Variants in FUCA2 observed in about 807,000 individuals in gnomAD.
The protein encoded by FUCA2 is plasma alpha-L-fucosidase.
A neutral mutation model predicts 52.6 loss-of-function variants in FUCA2; 41 were observed. The ratio of observed to expected loss-of-function variants is 0.78; its 90% confidence interval spans 0.61 to 1.01. FUCA2 has a LOEUF of 1.01. Ranked by LOEUF, FUCA2 falls within the 50% of genes least tolerant of loss-of-function variation. The probability of loss-of-function intolerance (pLI) is 0.00; values close to 1 mark genes in which losing one functional copy is unlikely to be tolerated. For missense variants in FUCA2, 507 were observed against 569.5 expected (o/e 0.89, Z 1.12); for synonymous variants, 211 against 217.3 (o/e 0.97, Z 0.26).
intron 2 of FUCA2, chr6:143,505,017 A>G (rs1780582906): frequency 6.6e-6 from 1 of 152,236 alleles, no homozygotes; most frequent in Non-Finnish European, 1.5e-5. Flanking sequence ...AAAACAATGT[A>G]TACCTTTATA....
In FUCA2 at chr6:143,511,447, A is replaced by T; in HGVS notation, c.188T>A (p.Val63Glu). 6.2e-7 allele frequency: 1 copy of T among 1,611,236 alleles called. No individual in the cohort carries two copies. The highest frequency in any genetic ancestry group is 8.5e-7 in the Non-Finnish European group (1 of 1,178,780). The change falls in exon 1 of 7, where the codon GTG becomes GAG. Residue 63 changes from valine to glutamate, a missense_variant. Val to Glu is a moderately radical substitution (Grantham distance 121, BLOSUM62 -2). Coordinates refer to ENST00000002165, the MANE Select transcript of FUCA2 (RefSeq NM_032020.5). This position sits in a 1 kb window ranked among gnomAD's most constrained non-coding sequence, Gnocchi z 6.3. ...AKFGIFIHWG[V>E]FSVPSFGSEW... is the part of the protein sequence containing the mutation. Reference sequence around the variant, plus strand: ...GCTACCGAAGCTGGGCACGGAAAACACTCCCCAGTGGATGAAGATGCCGAA... The same window carrying T: ...GCTACCGAAGCTGGGCACGGAAAACTCTCCCCAGTGGATGAAGATGCCGAA...
At chr6:143,505,159 T>G (rs2128422289) in intron 2 of FUCA2, 1 of 152,244 alleles carries the variant, frequency 6.6e-6, no homozygotes, top group South Asian at 2.1e-4. Flanking sequence ...CCTCAAAAAT[T>G]TCATCAGTGC....
At chr6:143,496,048 C>T (rs2128421297) in intron 6 of FUCA2, among the ~76,000 whole-genome samples, 1 of 152,182 alleles carries the variant, frequency 6.6e-6, no homozygotes, top group South Asian at 2.1e-4. Context: ...CTATTTTACT[C>T]TCAAGAGGGA....
At position 143,511,343 on chromosome 6, in the gene FUCA2, G is replaced by A. The variant is rs976623907; in HGVS notation, c.224+68C>T. 2.4e-5 allele frequency: 34 copies of A among 1,435,658 alleles called. No individual in the cohort carries two copies. The highest frequency in any genetic ancestry group is 3.2e-5 in the Non-Finnish European group (34 of 1,058,478). 88.9% of individuals were successfully genotyped at this position (1,435,658 alleles called of 1,614,324 possible). ...CACCAGGCGGCGAACCAGGCCCGCT[G>A]GGTGGTGGCTGGAGGCTGCGGGTGG... On this transcript the variant is annotated intron_variant, in intron 1 of 6. Coordinates refer to ENST00000002165, the MANE Select transcript of FUCA2 (RefSeq NM_032020.5). The surrounding 1 kb of genome is among the most constrained non-coding windows in gnomAD (Gnocchi z 6.3).
chr6:143,502,415 G>A lies in FUCA2; in HGVS notation c.903C>T (p.Ser301=). 6.2e-7 allele frequency: 1 copy of A among 1,613,974 alleles called. No homozygotes were observed. The highest frequency in any genetic ancestry group is 1.1e-5 in the South Asian group (1 of 91,078). The change falls in exon 4 of 7, where the codon TCC becomes TCT. Residue 301 remains serine, a synonymous_variant. Coordinates refer to ENST00000002165, the MANE Select transcript of FUCA2 (RefSeq NM_032020.5). The surrounding 1 kb of genome is among the most constrained non-coding windows in gnomAD (Gnocchi z 4.1). ...WENCMTIDKL[S]WGYRREAGIS... Reference sequence around the variant, plus strand: ...TTCCAGCTTCCCTCCTATAGCCCCAGGACAGTTTGTCTATTGTCATGCAGT... The same window carrying A: ...TTCCAGCTTCCCTCCTATAGCCCCAAGACAGTTTGTCTATTGTCATGCAGT...
chr6:143,507,987 T>A lies in FUCA2; in HGVS notation c.225-563A>T, dbSNP rs1259979697. The stretch of plus-strand genomic sequence containing the variant: ...TCCAGCCCCATTCTCTTTTAATTCT[T>A]CACTTTTAAATCACAACATGTAGTA... On this transcript the variant is annotated intron_variant, in intron 1 of 6. Coordinates refer to ENST00000002165, the MANE Select transcript of FUCA2 (RefSeq NM_032020.5). This position sits in a 1 kb window ranked among gnomAD's most constrained non-coding sequence, Gnocchi z 4.5. Among the ~76,000 whole-genome samples the A allele has an allele frequency of 6.6e-6, 1 of 152,218 alleles. No individual in the cohort carries two copies. Among genetic ancestry groups the A allele is most frequent in the Non-Finnish European group, 1.5e-5 (1 of 68,040 alleles).
chr6:143,507,523 G>A lies in FUCA2; in HGVS notation c.225-99C>T, dbSNP rs555982644. The A allele has an allele frequency of 2.4e-6, 2 of 830,810 alleles. No individual in the cohort carries two copies. Among genetic ancestry groups the A allele is most frequent in the Non-Finnish European group, 3.6e-6 (2 of 549,346 alleles). The allele number at this position is 830,810 out of a possible 1,614,324, so 51.5% of individuals were successfully genotyped here. A position where few individuals can be genotyped will look rare whatever the true frequency, so the allele number is the denominator to read the frequency against. ...TACCATTTACCCCTCACACAGATAG[G>A]ACCCAGATTCTCTTTCTCACTTCCC... On this transcript the variant is annotated intron_variant, in intron 1 of 6. Transcript: ENST00000002165. This position sits in a 1 kb window ranked among gnomAD's most constrained non-coding sequence, Gnocchi z 4.5.
chr6:143,505,582 G>A (rs1780594451), intron 2 of FUCA2: 1 of 152,104 alleles, frequency 6.6e-6, no homozygotes, highest in African/African-American at 2.4e-5. Context: ...CTCCCAAAGT[G>A]TTGGAATTAT....
Position 143,495,861 on chromosome 6 carries a change from CAT to C in FUCA2, c.1264-16_1264-15del. 1 of 1,612,542 alleles carries C rather than the reference CAT, an allele frequency of 6.2e-7. No homozygotes were observed. The highest frequency in any genetic ancestry group is 8.5e-7 in the Non-Finnish European group (1 of 1,178,888). ...CAGTAGTTTCACCTGAAATTAAAAA[CAT>C]ACATGCAAATGTCTCCAAATTTATC... On this transcript the variant is annotated splice_polypyrimidine_tract_variant and intron_variant, in intron 6 of 6. Transcript: ENST00000002165. The surrounding 1 kb of genome is among the most constrained non-coding windows in gnomAD (Gnocchi z 5.2).
chr6:143,497,079 C>T lies in FUCA2; in HGVS notation c.1263+310G>A. The T allele has an allele frequency of 4.6e-6, 1 of 218,614 alleles. No homozygotes were observed. Among genetic ancestry groups the T allele is most frequent in the Non-Finnish European group, 9.1e-6 (1 of 109,448 alleles). The allele number at this position is 218,614 out of a possible 1,614,324, so 13.5% of individuals were successfully genotyped here. A position where few individuals can be genotyped will look rare whatever the true frequency, so the allele number is the denominator to read the frequency against. On this transcript the variant is annotated intron_variant, in intron 6 of 6. Transcript: ENST00000002165. The surrounding 1 kb of genome is among the most constrained non-coding windows in gnomAD (Gnocchi z 5.3). ...GGCTCAAGCAATCCTCCTGCCTCAG[C>T]CTCCTGAGTAACTAGGACTACAGGT... is the stretch of plus-strand genomic sequence containing the variant.
rs761344588 is a variant in FUCA2 at position 143,507,323 on chromosome 6, G to C, written c.326C>G (p.Ala109Gly). 2 of 1,609,874 alleles carry C rather than the reference G, an allele frequency of 1.2e-6. No homozygotes were observed. Among genetic ancestry groups the C allele is most frequent in the African/African-American group, 1.3e-5 (1 of 74,680 alleles). Reference protein sequence around the residue: ...KYEDFGPLFTAKFFNANQWAD... With the variant: ...KYEDFGPLFTGKFFNANQWAD... The stretch of plus-strand genomic sequence containing the variant: ...CCACTGGTTGGCATTAAAAAATTTT[G>C]CTGTAAATAGTGGTCCAAAATCTTC... Residue 109 changes from alanine (A) to glycine (G), a missense_variant, in exon 2 of 7, where the codon GCA becomes GGA. Physicochemically the swap from Ala to Gly is moderately conservative, Grantham distance 60. Transcript: ENST00000002165. The surrounding 1 kb of genome is among the most constrained non-coding windows in gnomAD (Gnocchi z 4.5).
chr6:143,510,547 G>A lies in FUCA2; in HGVS notation c.224+864C>T, dbSNP rs1003889209. Among the ~76,000 whole-genome samples, 2 of 151,548 alleles carry A rather than the reference G, an allele frequency of 1.3e-5. No homozygotes were observed. The highest frequency in any genetic ancestry group is 2.4e-5 in the African/African-American group (1 of 41,234). ...CCAGCTACTCAGGAGGCTAAGGCGC[G>A]AGAATCGTTTGAACCCGGGCGGCGA... On this transcript the variant is annotated intron_variant, in intron 1 of 6. Transcript: ENST00000002165. This position sits in a 1 kb window ranked among gnomAD's most constrained non-coding sequence, Gnocchi z 4.4.
rs1023977361 is a variant in FUCA2 at position 143,509,823 on chromosome 6, A to G, written c.224+1588T>C. On this transcript the variant is annotated intron_variant, in intron 1 of 6. Transcript: ENST00000002165. The surrounding 1 kb of genome is among the most constrained non-coding windows in gnomAD (Gnocchi z 5.4). Reference sequence around the variant, plus strand: ...TAGCTTATCCAGTTTTATTTTTTACATCAATTGACCTACCAATAAGAAAGG... The same window carrying G: ...TAGCTTATCCAGTTTTATTTTTTACGTCAATTGACCTACCAATAAGAAAGG... Among the ~76,000 whole-genome samples, 2 of 152,346 alleles carry G rather than the reference A, an allele frequency of 1.3e-5. No homozygotes were observed. The highest frequency in any genetic ancestry group is 1.3e-4 in the Admixed American group (2 of 15,298).
At position 143,497,314 on chromosome 6, in the gene FUCA2, C is replaced by T. The variant is rs1290817389; in HGVS notation, c.1263+75G>A. ...GTATAAGTGAAACAGTTATAAGGCT[C>T]CCCTTAAAAGTTAATGTTTGCATCA... On this transcript the variant is annotated intron_variant, in intron 6 of 6. Transcript: ENST00000002165. The surrounding 1 kb of genome is among the most constrained non-coding windows in gnomAD (Gnocchi z 5.3). 1 of 930,986 alleles carries T rather than the reference C, an allele frequency of 1.1e-6. No individual in the cohort carries two copies. The highest frequency in any genetic ancestry group is 1.8e-6 in the Non-Finnish European group (1 of 564,152). 57.7% of individuals were successfully genotyped at this position (930,986 alleles called of 1,614,324 possible).
intron 2 of FUCA2, chr6:143,505,307 A>ATTTTTTT (rs35474217): frequency 8.3e-5 from 8 of 96,620 alleles, no homozygotes; most frequent in African/African-American, 1.3e-4. Context: ...CATACTTTCG[A>ATTTTTTT]TTTTTTTTTT....
In FUCA2 at chr6:143,507,444, G is replaced by A. The variant is rs775752939; in HGVS notation, c.225-20C>T. 6.4e-6 allele frequency: 10 copies of A among 1,558,154 alleles called. No homozygotes were observed. The highest frequency in any genetic ancestry group is 8.7e-7 in the Non-Finnish European group (1 of 1,154,164). On this transcript the variant is annotated intron_variant, in intron 1 of 6. Transcript: ENST00000002165. This position sits in a 1 kb window ranked among gnomAD's most constrained non-coding sequence, Gnocchi z 4.5. ...TACCACCTAAGGGGAGGAAAGGAAA[G>A]AGTGCATAAACAGCACATACACACA...
rs75523027 is a variant in FUCA2, at chr6:143,510,304, T to G, written c.224+1107A>C. Among the ~76,000 whole-genome samples the G allele has an allele frequency of 9.8e-5, 15 of 152,332 alleles. No individual in the cohort carries two copies. In the East Asian group the frequency reaches 2.5e-3, roughly 25 times the overall value. On this transcript the variant is annotated intron_variant, in intron 1 of 6. Transcript: ENST00000002165. The surrounding 1 kb of genome is among the most constrained non-coding windows in gnomAD (Gnocchi z 4.4). ...TGTTAATTTGGATGTATACTATTTA[T>G]GTAGTATATAGTTGATTCAAATAAA...
chr6:143,495,749 C>T lies in FUCA2; in HGVS notation c.1362G>A (p.Pro454=), dbSNP rs140243222. The stretch of plus-strand genomic sequence containing the variant: ...GGGCTAGAGCCCAGCCCCATTTACA[C>T]GGCATCTGATGAATGGTTAGCTGTG... ...ELPQLTIHQM[P]CKWGWALALT... Residue 454 remains proline (P), a synonymous_variant, in exon 7 of 7, where the codon CCG becomes CCA. Coordinates refer to ENST00000002165, the MANE Select transcript of FUCA2 (RefSeq NM_032020.5). The surrounding 1 kb of genome is among the most constrained non-coding windows in gnomAD (Gnocchi z 5.2). 184 of 1,613,922 alleles carry T rather than the reference C, an allele frequency of 1.1e-4. No individual in the cohort carries two copies. Among genetic ancestry groups the T allele is most frequent in the South Asian group, 1.8e-4 (16 of 91,076 alleles).
Position 143,495,344 on chromosome 6 carries a change from C to A in FUCA2, c.*363G>T. On this transcript the variant is annotated 3_prime_UTR_variant, in exon 7 of 7. Coordinates refer to ENST00000002165, the MANE Select transcript of FUCA2 (RefSeq NM_032020.5). This position sits in a 1 kb window ranked among gnomAD's most constrained non-coding sequence, Gnocchi z 5.2. ...TAGCAATGCATTTCCCAGAAAATAT[C>A]CCCATATTAAGTGATGCATAACTAT... 1 of 177,630 alleles carries A rather than the reference C, an allele frequency of 5.6e-6. No homozygotes were observed. Among genetic ancestry groups the A allele is most frequent in the Non-Finnish European group, 1.2e-5 (1 of 84,082 alleles). The allele number at this position is 177,630 out of a possible 1,614,324, so 11.0% of individuals were successfully genotyped here. A position where few individuals can be genotyped will look rare whatever the true frequency, so the allele number is the denominator to read the frequency against.
Sources: gnomAD v4.1 joint callset for allele counts (sites outside exome capture counted in the v4.1 genomes callset) on GRCh38, gnomAD v4.1.1 for gene constraint, Gnocchi (gnomAD v3.1) non-coding constraint, MANE v1.5 for transcripts, NCBI Gene and HGNC (gene_info 2026-07-23, HGNC 2026-07-21) for gene names.